NLGN1: variants seen among roughly 807,000 people sequenced by gnomAD.
NLGN1 encodes the protein neuroligin 1, also known as neuroligin-1.
In NLGN1, 12 loss-of-function variants were observed where a neutral mutation model predicts 65.5. The observed-to-expected ratio is 0.18, with a 90% CI of 0.12 to 0.30. NLGN1 has a LOEUF of 0.30. Ranked by LOEUF, NLGN1 falls within the 10% of genes least tolerant of loss-of-function variation. The probability of loss-of-function intolerance (pLI) is 1.00; values close to 1 mark genes in which losing one functional copy is unlikely to be tolerated. For missense variants in NLGN1, 750 were observed against 1,007.1 expected, an observed-to-expected ratio of 0.74 and a Z score of 3.46; for synonymous variants, 350 against 359.5, an observed-to-expected ratio of 0.97 and a Z score of 0.30.
At chr3:173,827,914 C>T (rs1721695998) in intron 4 of NLGN1, among the ~76,000 whole-genome samples, 1 of 151,952 alleles carries the variant, frequency 6.6e-6, no homozygotes, top group Non-Finnish European at 1.5e-5. Context: ...GACACCTGCC[C>T]ACATTGGTGA....
intron 4 of NLGN1, among the ~76,000 whole-genome samples, chr3:173,917,857 G>A (rs1305927394): frequency 6.6e-6 from 1 of 151,990 alleles, no homozygotes; most frequent in Non-Finnish European, 1.5e-5. Flanking sequence ...GTGTGTGTGT[G>A]TGTGTGTGTG....
intron 3 of NLGN1, among the ~76,000 whole-genome samples, chr3:173,688,930 GT>G (rs1203177151): frequency 1.3e-5 from 2 of 152,152 alleles, no homozygotes; most frequent in African/African-American, 4.8e-5. Context: ...GGGTTTTTCT[GT>G]TTTGGCATCC....
intron 4 of NLGN1, among the ~76,000 whole-genome samples, chr3:173,909,206 G>T (rs1226383297): frequency 1.3e-5 from 2 of 152,028 alleles, no homozygotes; most frequent in South Asian, 2.1e-4. Context: ...ATTTGGTTTC[G>T]GGGGAGGTTC....
chr3:174,239,040 G>T (rs1354453150), intron 4 of NLGN1, among the ~76,000 whole-genome samples: 1 of 151,702 alleles, frequency 6.6e-6, no homozygotes. Context: ...ATAATATATT[G>T]CCTAGTTCTT....
chr3:173,479,644 G>A (rs1726905576), intron 2 of NLGN1, among the ~76,000 whole-genome samples: 2 of 152,100 alleles, frequency 1.3e-5, no homozygotes, highest in African/African-American at 4.8e-5. Context: ...TTGGCCATGT[G>A]CCTGTCTCAG....
intron 4 of NLGN1, among the ~76,000 whole-genome samples, chr3:173,816,559 T>C (rs1052176400): frequency 6.6e-6 from 1 of 152,240 alleles, no homozygotes; most frequent in Non-Finnish European, 1.5e-5. Context: ...ACCTGCATTA[T>C]AACAGCTCAC....
intron 4 of NLGN1, among the ~76,000 whole-genome samples, chr3:174,226,436 G>A (rs1739710409): frequency 1.3e-5 from 2 of 152,094 alleles, no homozygotes; most frequent in African/African-American, 4.8e-5. Context: ...TGTTTTGGGG[G>A]TTGTTTGCTT....
At chr3:173,463,912 T>C (rs1723822706) in intron 2 of NLGN1, among the ~76,000 whole-genome samples, 1 of 151,986 alleles carries the variant, frequency 6.6e-6, no homozygotes. Context: ...TTTATAGTTG[T>C]TACTTAAAGA....
At chr3:173,502,934 C>T (rs969864719) in intron 2 of NLGN1, among the ~76,000 whole-genome samples, 1 of 152,028 alleles carries the variant, frequency 6.6e-6, no homozygotes, top group Admixed American at 6.6e-5. Flanking sequence ...GTTACATAAA[C>T]TAAAGTTGAA....
At chr3:174,078,268 A>G (rs1442232794) in intron 4 of NLGN1, among the ~76,000 whole-genome samples, 2 of 152,150 alleles carry the variant, frequency 1.3e-5, no homozygotes, top group East Asian at 1.9e-4. Flanking sequence ...TTTTGGAGAG[A>G]TGTTTGAAAA....
At chr3:173,498,960 T>C (rs984620227) in intron 2 of NLGN1, among the ~76,000 whole-genome samples, 1 of 151,454 alleles carries the variant, frequency 6.6e-6, no homozygotes, top group African/African-American at 2.4e-5. Flanking sequence ...ATTAGCCCTT[T>C]GTCAGATGAG....
chr3:173,993,763 AGT>A lies in NLGN1; in HGVS notation c.646+185938_646+185939del, dbSNP rs1174083639. 9.2e-5 allele frequency among the ~76,000 whole-genome samples: 14 copies of A among 152,018 alleles called. No individual in the cohort carries two copies. The South Asian group carries it at 2.7e-3, about 29-fold the overall frequency. ...ATTTAATAATGAAGTACATATATAT[AGT>A]GTGTGTATATATATATAAATGGTAT... On this transcript the variant is annotated intron_variant, in intron 4 of 6. Transcript: ENST00000457714.
intron 4 of NLGN1, among the ~76,000 whole-genome samples, chr3:174,263,635 C>T (rs1747406409): frequency 6.6e-6 from 1 of 151,982 alleles, no homozygotes; most frequent in Non-Finnish European, 1.5e-5. Flanking sequence ...GACTCTTTAT[C>T]CAATTTGCCA....
chr3:173,794,836 A>G (rs1304225059), intron 3 of NLGN1, among the ~76,000 whole-genome samples: 3 of 152,128 alleles, frequency 2.0e-5, no homozygotes, highest in Admixed American at 2.0e-4. Flanking sequence ...TTTTGACATC[A>G]AAGTGTTATG....
chr3:173,539,584 A>G, intron 2 of NLGN1, among the ~76,000 whole-genome samples: 1 of 139,842 alleles, frequency 7.2e-6, no homozygotes, highest in African/African-American at 2.7e-5. Flanking sequence ...ATGTTATGTT[A>G]TATATGTTAT....
At chr3:174,291,359 GA>G (rs943791737), downstream of NLGN1, among the ~76,000 whole-genome samples, 19 of 150,630 alleles carry the variant, frequency 1.3e-4, no homozygotes, top group African/African-American at 4.4e-4. Flanking sequence ...CAATACAACA[GA>G]AAAAAATTTG....
chr3:173,817,721 T>C (rs1366409160), intron 4 of NLGN1, among the ~76,000 whole-genome samples: 1 of 152,178 alleles, frequency 6.6e-6, no homozygotes, highest in Non-Finnish European at 1.5e-5. Flanking sequence ...TATAATATAG[T>C]AATCATGTAA....
At chr3:173,661,117 T>C (rs1760864536) in intron 3 of NLGN1, among the ~76,000 whole-genome samples, 1 of 151,904 alleles carries the variant, frequency 6.6e-6, no homozygotes, top group Admixed American at 6.6e-5. Flanking sequence ...GCGGCAGAGA[T>C]GGAGGGAAAT....
At chr3:174,011,996 T>C (rs1725655171) in intron 4 of NLGN1, among the ~76,000 whole-genome samples, 1 of 152,178 alleles carries the variant, frequency 6.6e-6, no homozygotes, top group Admixed American at 6.5e-5. Flanking sequence ...TTTTGATAGA[T>C]GAAAGACCAC....
Sources: gnomAD v4.1 joint callset for allele counts (sites outside exome capture counted in the v4.1 genomes callset) on GRCh38, gnomAD v4.1.1 for gene constraint, MANE v1.5 for transcripts, NCBI Gene and HGNC (gene_info 2026-07-23, HGNC 2026-07-21) for gene names.